ARPC1A: variants seen among roughly 807,000 people sequenced by gnomAD.
ARPC1A encodes the protein actin related protein 2/3 complex subunit 1A.
ARPC1A carries 8 observed loss-of-function variants against 46.9 expected under a neutral mutation model. The observed-to-expected ratio is 0.17, with a 90% confidence interval of 0.10 to 0.31. ARPC1A has a LOEUF of 0.31. ARPC1A is among the 10% of genes least tolerant of loss of function. The pLI, the probability that ARPC1A is intolerant of heterozygous loss-of-function variation, is 1.00. For missense variants in ARPC1A, 286 were observed against 483.6 expected, an observed-to-expected ratio of 0.59 and a Z score of 3.83; for synonymous variants, 152 against 169.0, an observed-to-expected ratio of 0.90 and a Z score of 0.78.
At chr7:99,345,779 A>G (rs1793434424) in intron 4 of ARPC1A, among the ~76,000 whole-genome samples, 1 of 152,228 alleles carries the variant, frequency 6.6e-6, no homozygotes. Flanking sequence ...TAAAAATAGC[A>G]GAGTATACAT....
chr7:99,348,848 A>G lies in ARPC1A; in HGVS notation c.393-4A>G. On this transcript the variant is annotated splice_region_variant and splice_polypyrimidine_tract_variant and intron_variant, in intron 4 of 9. Coordinates refer to ENST00000262942, the MANE Select transcript of ARPC1A (RefSeq NM_006409.4). Reference sequence around the variant, plus strand: ...TAAACTGAAACAGTTTTCCCCTCTCATAGGTGGGTGAGCAAGCACATTAAA... The same window carrying G: ...TAAACTGAAACAGTTTTCCCCTCTCGTAGGTGGGTGAGCAAGCACATTAAA... 6.2e-7 allele frequency: 1 copy of G among 1,613,116 alleles called. No homozygotes were observed. Among genetic ancestry groups the G allele is most frequent in the Non-Finnish European group, 8.5e-7 (1 of 1,179,336 alleles).
chr7:99,331,199 A>G (rs568630110), intron 1 of ARPC1A, among the ~76,000 whole-genome samples: 53 of 152,252 alleles, frequency 3.5e-4, no homozygotes, highest in African/African-American at 1.3e-3. Flanking sequence ...ACTTGAGCCC[A>G]GTCAGAGCAG....
Position 99,359,639 on chromosome 7 carries a change from G to A in ARPC1A, c.884G>A (p.Arg295His), listed in dbSNP as rs1793706312. 2.5e-6 allele frequency: 4 copies of A among 1,614,084 alleles called. No individual in the cohort carries two copies. The highest frequency in any genetic ancestry group is 3.4e-6 in the Non-Finnish European group (4 of 1,180,040). The change falls in exon 8 of 10, where the codon CGC (arginine) becomes CAC (histidine). Residue 295 changes from arginine (R) to histidine (H), a missense_variant. This residue lies in a region of ARPC1A where 182 missense variants were observed against 276.7 expected (regional missense o/e 0.66). Transcript: ENST00000262942. ...GATATTCCAAAACAGAGCATCCAACGCAACATGTCTGCCATGGAACGCTTC... is the reference window on the plus strand; with the variant it reads ...GATATTCCAAAACAGAGCATCCAACACAACATGTCTGCCATGGAACGCTTC... ...KLDIPKQSIQ[R>H]NMSAMERFRN...
At chr7:99,333,711 A>G (rs1793187860) in intron 2 of ARPC1A, among the ~76,000 whole-genome samples, 1 of 152,196 alleles carries the variant, frequency 6.6e-6, no homozygotes, top group Non-Finnish European at 1.5e-5. Flanking sequence ...TACTCAGAGC[A>G]TTATTAACTA....
intron 2 of ARPC1A, among the ~76,000 whole-genome samples, chr7:99,337,644 A>C (rs1031921023): frequency 2.6e-5 from 4 of 152,168 alleles, no homozygotes; most frequent in Middle Eastern, 3.2e-3. Flanking sequence ...CTTGAAAACA[A>C]AGTATTGTGA....
intron 5 of ARPC1A, among the ~76,000 whole-genome samples, chr7:99,353,628 C>T (rs1793583585): frequency 6.6e-6 from 1 of 151,644 alleles, no homozygotes; most frequent in South Asian, 2.1e-4. Flanking sequence ...CAGGCATGCG[C>T]CCCCACGCTT....
chr7:99,336,870 C>A, intron 2 of ARPC1A, among the ~76,000 whole-genome samples: 1 of 151,974 alleles, frequency 6.6e-6, no homozygotes, highest in East Asian at 1.9e-4. Flanking sequence ...GCCTGTAATC[C>A]TAGTGCTTTG....
chr7:99,354,481 A>G (rs1228263962), intron 6 of ARPC1A, among the ~76,000 whole-genome samples: 7 of 144,634 alleles, frequency 4.8e-5, no homozygotes, highest in Admixed American at 1.5e-4. Context: ...AGATCATGCC[A>G]CTGTACTCCA....
At chr7:99,364,266 CTCT>C (rs1793790210) in intron 9 of ARPC1A, among the ~76,000 whole-genome samples, 1 of 136,710 alleles carries the variant, frequency 7.3e-6, no homozygotes, top group African/African-American at 3.0e-5. Context: ...GGAGATCTCT[CTCT>C]TTTTTTTTTT....
In ARPC1A at chr7:99,335,812, G is replaced by A. The variant is rs547727749; in HGVS notation, c.65-2369G>A. 5.1e-3 allele frequency among the ~76,000 whole-genome samples: 771 copies of A among 152,172 alleles called. 2 individuals carry two copies. Among genetic ancestry groups the A allele is most frequent in the Admixed American group, 9.8e-3 (149 of 15,260 alleles). The stretch of plus-strand genomic sequence containing the variant: ...TATTAAAAATACAAAAAATTAGCCC[G>A]GTGTGGTGGCGGGCGCCTGTAGTCC... On this transcript the variant is annotated intron_variant, in intron 2 of 9. Transcript: ENST00000262942.
In ARPC1A at chr7:99,365,993, C is replaced by T. The variant is rs916319809; in HGVS notation, c.*64C>T. Reference sequence around the variant, plus strand: ...GGCCGACCGCAGCTGTGCCGTGGCACGATGGCGAGGAAGCCAGCCCCAAGG... The same window carrying T: ...GGCCGACCGCAGCTGTGCCGTGGCATGATGGCGAGGAAGCCAGCCCCAAGG... On this transcript the variant is annotated 3_prime_UTR_variant, in exon 10 of 10. Coordinates refer to ENST00000262942, the MANE Select transcript of ARPC1A (RefSeq NM_006409.4). 1.5e-5 allele frequency: 23 copies of T among 1,521,884 alleles called. No homozygotes were observed. Among genetic ancestry groups the T allele is most frequent in the African/African-American group, 6.9e-5 (5 of 72,700 alleles). The allele number at this position is 1,521,884 out of a possible 1,614,324, so 94.3% of individuals were successfully genotyped here.
At position 99,348,978 on chromosome 7, in the gene ARPC1A, T is replaced by G. The variant is rs755922708; in HGVS notation, c.500+19T>G. On this transcript the variant is annotated intron_variant, in intron 5 of 9. Coordinates refer to ENST00000262942, the MANE Select transcript of ARPC1A (RefSeq NM_006409.4). ...AATGCAGGTGGGAACCAGTGAGAAC[T>G]GATAAACTTGAGCCGTGCATTCTTC... 1 of 1,587,286 alleles carries G rather than the reference T, an allele frequency of 6.3e-7. No individual in the cohort carries two copies. Among genetic ancestry groups the G allele is most frequent in the South Asian group, 1.1e-5 (1 of 89,742 alleles).
Position 99,365,915 on chromosome 7 carries a change from C to A in ARPC1A, c.1099C>A (p.Leu367Ile), listed in dbSNP as rs758323414. 1 of 1,575,032 alleles carries A rather than the reference C, an allele frequency of 6.3e-7. No homozygotes were observed. The highest frequency in any genetic ancestry group is 1.8e-5 in the Admixed American group (1 of 54,770). The change falls in exon 10 of 10, where the codon CTC becomes ATC. Residue 367 changes from leucine to isoleucine, a missense_variant. By Grantham distance (5) the Leu-to-Ile change is conservative. Coordinates refer to ENST00000262942, the MANE Select transcript of ARPC1A (RefSeq NM_006409.4). ...GACCCTCGAGTCTTCCATCCAGGGCCTCCGGATAATGTGAAGCTGAGTGAG... is the reference window on the plus strand; with the variant it reads ...GACCCTCGAGTCTTCCATCCAGGGCATCCGGATAATGTGAAGCTGAGTGAG... ...FKTLESSIQG[L>I]RIM
intron 5 of ARPC1A, among the ~76,000 whole-genome samples, 170 bp downstream of exon 5, chr7:99,349,129 C>T (rs546766961): frequency 1.3e-5 from 2 of 152,170 alleles, no homozygotes; most frequent in Non-Finnish European, 2.9e-5. Flanking sequence ...TAGCTCACTG[C>T]AGCCTCCAAT....
At chr7:99,340,344 G>A (rs1198093010) in intron 3 of ARPC1A, among the ~76,000 whole-genome samples, 1 of 152,110 alleles carries the variant, frequency 6.6e-6, no homozygotes, top group African/African-American at 2.4e-5. Flanking sequence ...TGTATTTTTA[G>A]TAGATGTGGG....
chr7:99,329,307 A>C (rs939087252), intron 1 of ARPC1A, among the ~76,000 whole-genome samples: 3 of 152,072 alleles, frequency 2.0e-5, no homozygotes, highest in African/African-American at 7.2e-5. Context: ...TCTCAAAAAA[A>C]AAAAAAAGAA....
chr7:99,353,457 CTTATTTATTTATTTAT>C (rs56733844), intron 5 of ARPC1A, among the ~76,000 whole-genome samples: 8 of 139,408 alleles, frequency 5.7e-5, no homozygotes, highest in Non-Finnish European at 1.1e-4. Flanking sequence ...CGCACCCAGC[CTTATTTATTTATTTAT>C]TTATTTATTT....
chr7:99,365,762 CA>C, intron 9 of ARPC1A, 128 bp from the exon 10 acceptor site: 2 of 962,282 alleles, frequency 2.1e-6, no homozygotes, highest in Middle Eastern at 2.1e-4. Flanking sequence ...GATCCTGTTT[CA>C]GGTGGGGCAG....
In ARPC1A at chr7:99,338,258, C is replaced by G. The variant is rs1473391237; in HGVS notation, c.142C>G (p.Leu48Val). ...NGSQWVKAHELKEHNGHITGI... is the reference protein window; with the variant it reads ...NGSQWVKAHEVKEHNGHITGI... ...GAGCCAGTGGGTGAAAGCTCATGAACTCAAGGAGCACAACGGACACATCAC... is the reference window on the plus strand; with the variant it reads ...GAGCCAGTGGGTGAAAGCTCATGAAGTCAAGGAGCACAACGGACACATCAC... The change falls in exon 3 of 10, where the codon CTC becomes GTC. Residue 48 changes from leucine to valine, a missense_variant. Coordinates refer to ENST00000262942, the MANE Select transcript of ARPC1A (RefSeq NM_006409.4). 6.2e-7 allele frequency: 1 copy of G among 1,611,562 alleles called. No individual in the cohort carries two copies. Among genetic ancestry groups the G allele is most frequent in the East Asian group, 2.2e-5 (1 of 44,870 alleles).
Sources: allele counts gnomAD v4.1 joint callset (sites outside exome capture counted in the v4.1 genomes callset), GRCh38; gene constraint gnomAD v4.1.1; regional missense constraint gnomAD v4.1.1; transcripts MANE v1.5; gene names NCBI Gene and HGNC (gene_info 2026-07-23, HGNC 2026-07-21).